Variants in SHROOM3 observed in about 807,000 individuals in gnomAD.
SHROOM3 encodes the protein protein Shroom3.
Under a neutral mutation model 138.6 loss-of-function variants are expected in SHROOM3, and 47 were observed. The observed-to-expected ratio is 0.34, with a 90% CI of 0.27 to 0.43. The LOEUF (loss-of-function observed/expected upper bound fraction) is 0.43, where lower values mean the gene tolerates loss of function less well. SHROOM3 is among the 20% of genes least tolerant of loss of function. SHROOM3 has a pLI of 1.00. For missense variants in SHROOM3, 2,491 were observed against 2,596.5 expected (o/e 0.96, Z 0.88); for synonymous variants, 1,062 against 1,063.3 (o/e 1.00, Z 0.02).
chr4:76,436,338 C>A, intron 1 of SHROOM3, 118 bp downstream of exon 1: 1 of 1,128,584 alleles, frequency 8.9e-7, no homozygotes, highest in Non-Finnish European at 1.3e-6. Flanking sequence ...CTGTTTCATG[C>A]CTTTCTGATT....
At chr4:76,752,538 A>G (rs1721661061) in intron 6 of SHROOM3, among the ~76,000 whole-genome samples, 1 of 152,156 alleles carries the variant, frequency 6.6e-6, no homozygotes, top group African/African-American at 2.4e-5. Flanking sequence ...CCATTCTTGA[A>G]TAGTAGGATT....
chr4:76,659,423 T>C (rs1247762463), intron 2 of SHROOM3, among the ~76,000 whole-genome samples: 1 of 152,216 alleles, frequency 6.6e-6, no homozygotes, highest in Non-Finnish European at 1.5e-5. Context: ...GTTTAAAACA[T>C]TACTTTTCAT....
chr4:76,678,560 G>A (rs1300952358), intron 2 of SHROOM3, among the ~76,000 whole-genome samples: 1 of 152,194 alleles, frequency 6.6e-6, no homozygotes. Context: ...AGACAACTGA[G>A]TCAGTCGGAT....
At chr4:76,603,668 G>C (rs1734555922) in intron 2 of SHROOM3, among the ~76,000 whole-genome samples, 1 of 151,564 alleles carries the variant, frequency 6.6e-6, no homozygotes, top group African/African-American at 2.4e-5. Flanking sequence ...GTGCCATGTT[G>C]GTTTGCTGCA....
intron 2 of SHROOM3, among the ~76,000 whole-genome samples, chr4:76,648,567 G>A (rs1311234913): frequency 6.6e-6 from 1 of 151,922 alleles, no homozygotes; most frequent in Non-Finnish European, 1.5e-5. Context: ...ATGGAGTCAT[G>A]TTTATATGAA....
chr4:76,747,152 A>G (rs1721466345), intron 5 of SHROOM3, among the ~76,000 whole-genome samples: 1 of 152,302 alleles, frequency 6.6e-6, no homozygotes, highest in South Asian at 2.1e-4. Flanking sequence ...GAACTGGTGT[A>G]TTTTTAAGTC....
At chr4:76,529,554 T>G (rs1304779170) in intron 1 of SHROOM3, among the ~76,000 whole-genome samples, 1 of 152,130 alleles carries the variant, frequency 6.6e-6, no homozygotes, top group East Asian at 1.9e-4. Flanking sequence ...CTCGATCTCC[T>G]GACCTCGTGA....
intron 1 of SHROOM3, among the ~76,000 whole-genome samples, chr4:76,533,083 A>G (rs939283345): frequency 6.6e-6 from 1 of 152,218 alleles, no homozygotes; most frequent in Non-Finnish European, 1.5e-5. Context: ...ACAGTGCAGA[A>G]TTTAAAACTG....
intron 2 of SHROOM3, among the ~76,000 whole-genome samples, chr4:76,687,794 CTG>C (rs1268107163): frequency 3.3e-5 from 5 of 152,214 alleles, no homozygotes; most frequent in African/African-American, 1.2e-4. Flanking sequence ...TGGACCCAAA[CTG>C]TGTTTTTAAT....
At chr4:76,512,284 G>A (rs2110005758) in intron 1 of SHROOM3, among the ~76,000 whole-genome samples, 1 of 152,330 alleles carries the variant, frequency 6.6e-6, no homozygotes, top group South Asian at 2.1e-4. Flanking sequence ...CCCTACAATG[G>A]CATTGGGCTC....
chr4:76,761,472 G>A (rs755875558), intron 9 of SHROOM3, among the ~76,000 whole-genome samples: 10 of 152,114 alleles, frequency 6.6e-5, no homozygotes, highest in Non-Finnish European at 1.3e-4. Context: ...TCTGACACTT[G>A]TACTACCACA....
chr4:76,646,225 A>AATAAATAAATATATATATATATATATAT (rs61374645), intron 2 of SHROOM3, among the ~76,000 whole-genome samples: 156 of 96,090 alleles, frequency 1.6e-3, no homozygotes, highest in Non-Finnish European at 1.9e-3. Context: ...ATAATAAATA[A>AATAAATAAATATATATATATATATATAT]ATATATATAT....
intron 1 of SHROOM3, among the ~76,000 whole-genome samples, chr4:76,518,084 A>G (rs548792158): frequency 3.3e-5 from 5 of 152,310 alleles, no homozygotes; most frequent in Admixed American, 3.3e-4. Flanking sequence ...GTCAACCCTC[A>G]GAAATTGCAA....
chr4:76,624,017 T>G (rs1244094157), intron 2 of SHROOM3, among the ~76,000 whole-genome samples: 1 of 152,254 alleles, frequency 6.6e-6, no homozygotes, highest in East Asian at 1.9e-4. Flanking sequence ...TTCTTGTACA[T>G]GGATTTTAAA....
chr4:76,751,608 C>G (rs1187116998), intron 6 of SHROOM3, among the ~76,000 whole-genome samples: 1 of 152,144 alleles, frequency 6.6e-6, no homozygotes, highest in Non-Finnish European at 1.5e-5. Flanking sequence ...CAGACATTCA[C>G]TTGTTAATTT....
At chr4:76,699,302 T>C (rs1167816756) in intron 2 of SHROOM3, among the ~76,000 whole-genome samples, 2 of 152,230 alleles carry the variant, frequency 1.3e-5, no homozygotes, top group African/African-American at 4.8e-5. Flanking sequence ...TAGAACATGC[T>C]CATCCCTTGT....
chr4:76,542,758 G>A (rs937203887), intron 1 of SHROOM3, among the ~76,000 whole-genome samples: 4 of 152,238 alleles, frequency 2.6e-5, no homozygotes, highest in Non-Finnish European at 5.9e-5. Flanking sequence ...TACTAAATTT[G>A]TGTTGCTTTA....
chr4:76,765,351 CAAAAA>C (rs35934138), intron 9 of SHROOM3, among the ~76,000 whole-genome samples: 1 of 79,932 alleles, frequency 1.3e-5, no homozygotes, highest in Non-Finnish European at 2.8e-5. Context: ...CCCATCTCTA[CAAAAA>C]AAAAAAAAAA....
At chr4:76,548,163 C>T (rs1371469558) in intron 1 of SHROOM3, among the ~76,000 whole-genome samples, 2 of 147,430 alleles carry the variant, frequency 1.4e-5, no homozygotes, top group Non-Finnish European at 3.1e-5. Flanking sequence ...AAGTCTAAGG[C>T]CCCTGAAGGA....
Sources: gnomAD v4.1 joint callset for allele counts (sites outside exome capture counted in the v4.1 genomes callset) on GRCh38, gnomAD v4.1.1 for gene constraint, MANE v1.5 for transcripts, NCBI Gene and HGNC (gene_info 2026-07-23, HGNC 2026-07-21) for gene names.